MACROD2: variants seen among roughly 807,000 people sequenced by gnomAD.
MACROD2 encodes mono-ADP ribosylhydrolase 2.
MACROD2 carries 36 observed loss-of-function variants against 70.4 expected under a neutral mutation model. The ratio of observed to expected loss-of-function variants is 0.51; its 90% confidence interval spans 0.39 to 0.68. The LOEUF is 0.68. MACROD2 is among the 30% of genes least tolerant of loss of function. The probability of loss-of-function intolerance (pLI) is 0.00; values close to 1 mark genes in which losing one functional copy is unlikely to be tolerated. For missense variants in MACROD2, 496 were observed against 538.4 expected (o/e 0.92, Z 0.78); for synonymous variants, 172 against 178.8 (o/e 0.96, Z 0.30).
At chr20:14,198,369 T>C (rs1432992614) in intron 3 of MACROD2, among the ~76,000 whole-genome samples, 1 of 152,226 alleles carries the variant, frequency 6.6e-6, no homozygotes, top group African/African-American at 2.4e-5. Flanking sequence ...ACATTGCTTC[T>C]AATTTGAATC....
chr20:15,641,586 C>A (rs2049461023), intron 8 of MACROD2, among the ~76,000 whole-genome samples: 1 of 152,086 alleles, frequency 6.6e-6, no homozygotes, highest in Admixed American at 6.6e-5. Context: ...AGAAGATGTA[C>A]AGACAAAAAT....
intron 5 of MACROD2, among the ~76,000 whole-genome samples, chr20:15,212,991 A>C (rs2076777403): frequency 2.0e-5 from 3 of 152,230 alleles, no homozygotes; most frequent in Admixed American, 2.0e-4. Flanking sequence ...CTCAAGTTTG[A>C]AAACTACTGA....
At chr20:14,066,173 A>G (rs1264569153) in intron 2 of MACROD2, among the ~76,000 whole-genome samples, 1 of 152,202 alleles carries the variant, frequency 6.6e-6, no homozygotes, top group Admixed American at 6.5e-5. Flanking sequence ...TGAGTTAGTT[A>G]TAGCTTTGTA....
At chr20:14,042,537 C>T (rs1461482524) in intron 2 of MACROD2, among the ~76,000 whole-genome samples, 3 of 152,308 alleles carry the variant, frequency 2.0e-5, no homozygotes, top group Middle Eastern at 3.4e-3. Flanking sequence ...CTCACGCTGT[C>T]GCCCGGGCTA....
At chr20:14,833,487 G>C (rs993549742) in intron 5 of MACROD2, among the ~76,000 whole-genome samples, 2 of 152,058 alleles carry the variant, frequency 1.3e-5, no homozygotes, top group Non-Finnish European at 2.9e-5. Flanking sequence ...TGACAGTTTG[G>C]TATATTCATA....
intron 8 of MACROD2, among the ~76,000 whole-genome samples, chr20:15,587,129 T>C (rs1454502484): frequency 6.6e-6 from 1 of 152,216 alleles, no homozygotes; most frequent in African/African-American, 2.4e-5. Context: ...TCCACATGGC[T>C]GAGGAGGCCC....
chr20:15,223,132 G>A (rs1428109882), intron 5 of MACROD2, among the ~76,000 whole-genome samples: 1 of 152,152 alleles, frequency 6.6e-6, no homozygotes, highest in African/African-American at 2.4e-5. Context: ...AGAAATAGAT[G>A]AGCAAAAACA....
chr20:15,096,737 C>A (rs2075835651), intron 5 of MACROD2, among the ~76,000 whole-genome samples: 1 of 151,428 alleles, frequency 6.6e-6, no homozygotes, highest in South Asian at 2.1e-4. Context: ...GTCTGGAGCT[C>A]CTGACGTCAA....
intron 3 of MACROD2, among the ~76,000 whole-genome samples, chr20:14,274,381 C>T (rs553487567): frequency 2.2e-4 from 33 of 152,162 alleles, no homozygotes; most frequent in African/African-American, 4.1e-4. Context: ...ATAAACAGAA[C>T]GAAAGACAAA....
chr20:15,491,461 G>C (rs1453121898), intron 7 of MACROD2, among the ~76,000 whole-genome samples: 1 of 152,236 alleles, frequency 6.6e-6, no homozygotes, highest in Non-Finnish European at 1.5e-5. Context: ...GCAGGGGTTT[G>C]TGTGTAAGTT....
rs943720866 is a variant in MACROD2 at position 14,518,249 on chromosome 20, T to C, written c.301+24741T>C. ...ATTATTGCTATTATTGAAATGCTGCTGACTTTTTTATATGTATATTTGAAT... is the reference window on the plus strand; with the variant it reads ...ATTATTGCTATTATTGAAATGCTGCCGACTTTTTTATATGTATATTTGAAT... On this transcript the variant is annotated intron_variant, in intron 4 of 17. Coordinates refer to ENST00000684519, the MANE Select transcript of MACROD2 (RefSeq NM_001351661.2). 6.2e-4 allele frequency among the ~76,000 whole-genome samples: 30 copies of C among 48,130 alleles called. No individual in the cohort carries two copies. The Admixed American group carries it at 8.6e-3, about 14-fold the overall frequency. The allele number at this position is 48,130 out of a possible 152,430, so 31.6% of individuals were successfully genotyped here. A position where few individuals can be genotyped will look rare whatever the true frequency, so the allele number is the denominator to read the frequency against.
intron 3 of MACROD2, among the ~76,000 whole-genome samples, chr20:14,304,602 T>C (rs1376127998): frequency 1.3e-5 from 2 of 152,198 alleles, no homozygotes. Flanking sequence ...CTTCAGGTTA[T>C]ATCCAACAGT....
intron 4 of MACROD2, among the ~76,000 whole-genome samples, chr20:14,641,579 CTTGA>C (rs1242711925): frequency 2.0e-5 from 3 of 152,124 alleles, no homozygotes; most frequent in Non-Finnish European, 2.9e-5. Flanking sequence ...AAAATTGCTC[CTTGA>C]TTGATGGGCT....
chr20:14,159,012 G>A (rs560015861), intron 3 of MACROD2, among the ~76,000 whole-genome samples: 4 of 152,260 alleles, frequency 2.6e-5, no homozygotes, highest in South Asian at 2.1e-4. Context: ...TGAGGCAGGT[G>A]GATTGCCTGA....
intron 9 of MACROD2, among the ~76,000 whole-genome samples, chr20:15,869,236 T>TAGAG (rs1423223643): frequency 0.067 from 2,202 of 33,024 alleles, 50 homozygotes; most frequent in Non-Finnish European, 0.11. Context: ...TATATATATA[T>TAGAG]ATAGAGAGAG....
At chr20:14,565,715 A>C (rs1020939579) in intron 4 of MACROD2, among the ~76,000 whole-genome samples, 4 of 151,968 alleles carry the variant, frequency 2.6e-5, no homozygotes, top group African/African-American at 4.8e-5. Flanking sequence ...AAAGTTAAAC[A>C]TTTTATATGG....
intron 8 of MACROD2, among the ~76,000 whole-genome samples, chr20:15,509,285 C>T (rs2047468535): frequency 6.6e-6 from 1 of 152,158 alleles, no homozygotes; most frequent in African/African-American, 2.4e-5. Flanking sequence ...TTTCTGATGG[C>T]TGTATTTTTC....
intron 3 of MACROD2, among the ~76,000 whole-genome samples, chr20:14,355,731 T>C (rs1172475776): frequency 1.3e-5 from 2 of 152,222 alleles, no homozygotes; most frequent in African/African-American, 4.8e-5. Flanking sequence ...TGAGTATTGT[T>C]ATGCATATTT....
chr20:15,336,463 G>A (rs907343190), intron 6 of MACROD2, among the ~76,000 whole-genome samples: 3 of 151,380 alleles, frequency 2.0e-5, no homozygotes, highest in South Asian at 4.2e-4. Context: ...CAGAGACTGA[G>A]TAATTTTGTG....
Sources: gnomAD v4.1 joint callset for allele counts (sites outside exome capture counted in the v4.1 genomes callset) on GRCh38, gnomAD v4.1.1 for gene constraint, MANE v1.5 for transcripts, NCBI Gene and HGNC (gene_info 2026-07-23, HGNC 2026-07-21) for gene names.